KCNQ1: variants seen among roughly 807,000 people sequenced by gnomAD.
The protein encoded by KCNQ1 is potassium voltage-gated channel subfamily Q member 1.
In KCNQ1, 49 loss-of-function variants were observed where a neutral mutation model predicts 72.4. That is an observed-to-expected ratio of 0.68 (90% CI 0.54 to 0.86). KCNQ1 has a LOEUF of 0.86. Among genes scored for constraint, KCNQ1 ranks in the 40% least tolerant of loss-of-function variants. The pLI is 0.00. For missense variants in KCNQ1, 790 were observed against 945.1 expected, an observed-to-expected ratio of 0.84 and a Z score of 2.15; for synonymous variants, 450 against 412.6, an observed-to-expected ratio of 1.09 and a Z score of -1.10.
At chr11:2,693,455 A>G in intron 11 of KCNQ1, 1 of 398,648 alleles carries the variant, frequency 2.5e-6, no homozygotes, top group Non-Finnish European at 4.4e-6. Context: ...TCGAGTCCCC[A>G]TTCTCTAATG....
At position 2,748,702 on chromosome 11, in the gene KCNQ1, A is replaced by T. The variant is rs191001520; in HGVS notation, c.1515-20142A>T. 2.0e-5 allele frequency among the ~76,000 whole-genome samples: 3 copies of T among 152,086 alleles called. No individual in the cohort carries two copies. The highest frequency in any genetic ancestry group is 4.4e-5 in the Non-Finnish European group (3 of 67,970). On this transcript the variant is annotated intron_variant, in intron 11 of 15. Transcript: ENST00000155840. The surrounding 1 kb of genome is among the most constrained non-coding windows in gnomAD (Gnocchi z 6.2). ...GGATCACAGAGCTTCGGGTCCAGCC[A>T]GCTGCTGCTGCCCCTCCCTCTGGGC...
intron 15 of KCNQ1, among the ~76,000 whole-genome samples, chr11:2,795,369 C>T (rs528626255): frequency 1.1e-4 from 17 of 152,368 alleles, no homozygotes; most frequent in African/African-American, 3.8e-4. Flanking sequence ...TCTTGTGTAT[C>T]CCACTTCGTT....
intron 6 of KCNQ1, among the ~76,000 whole-genome samples, chr11:2,577,980 GGCCCTGTCCT>G (rs372402841): frequency 8.7e-4 from 133 of 152,270 alleles, no homozygotes; most frequent in African/African-American, 2.9e-3. Context: ...AGGTCAGTGG[GGCCCTGTCCT>G]GCCCTGTCCT....
At position 2,733,857 on chromosome 11, in the gene KCNQ1, C is replaced by CTCACTCTTTCTCTCT. The variant is rs147278439; in HGVS notation, c.1515-34987_1515-34986insTCACTCTTTCTCTCT. 5.4e-3 allele frequency among the ~76,000 whole-genome samples: 409 copies of CTCACTCTTTCTCTCT among 76,212 alleles called. 24 individuals are homozygous for CTCACTCTTTCTCTCT. The highest frequency in any genetic ancestry group is 7.3e-3 in the Non-Finnish European group (288 of 39,396). The allele number at this position is 76,212 out of a possible 152,430, so 50.0% of individuals were successfully genotyped here. On this transcript the variant is annotated intron_variant, in intron 11 of 15. Coordinates refer to ENST00000155840, the MANE Select transcript of KCNQ1 (RefSeq NM_000218.3). ...TCTCTCTCTCTCTCTCTCTCTCTCT[C>CTCACTCTTTCTCTCT]CCCCCCCACTTCAGGGCCTTCGCGC...
chr11:2,455,248 C>T (rs1846170727), intron 1 of KCNQ1, among the ~76,000 whole-genome samples: 1 of 152,168 alleles, frequency 6.6e-6, no homozygotes, highest in Admixed American at 6.5e-5. Flanking sequence ...CAGGCGTCTG[C>T]CACCACGCCC....
chr11:2,597,063 A>G (rs908338939), intron 10 of KCNQ1, among the ~76,000 whole-genome samples: 2 of 152,182 alleles, frequency 1.3e-5, no homozygotes. Flanking sequence ...CAGAAAAGGA[A>G]ATACCAATAA....
At position 2,627,745 on chromosome 11, in the gene KCNQ1, A is replaced by G. The variant is rs1849284855; in HGVS notation, c.1394-34216A>G. 2.5e-5 allele frequency: 10 copies of G among 398,354 alleles called. No individual in the cohort carries two copies. The East Asian group carries it at 3.2e-4, about 13-fold the overall frequency. 24.7% of individuals were successfully genotyped at this position (398,354 alleles called of 1,614,324 possible). A position where few individuals can be genotyped will look rare whatever the true frequency, so the allele number is the denominator to read the frequency against. ...TGGGAATTTGGTGATACACACACAC[A>G]CACTATTTTCTTCCTTTCTTTTTGA... On this transcript the variant is annotated intron_variant, in intron 10 of 15. Coordinates refer to ENST00000155840, the MANE Select transcript of KCNQ1 (RefSeq NM_000218.3). This position sits in a 1 kb window ranked among gnomAD's most constrained non-coding sequence, Gnocchi z 4.9.
intron 1 of KCNQ1, among the ~76,000 whole-genome samples, chr11:2,499,167 C>G (rs1846968436): frequency 1.3e-5 from 2 of 152,194 alleles, no homozygotes; most frequent in South Asian, 4.1e-4. Flanking sequence ...ATTCTGCCAT[C>G]TTGCCAGATG....
At chr11:2,558,232 C>T (rs900636560) in intron 2 of KCNQ1, among the ~76,000 whole-genome samples, 5 of 152,358 alleles carry the variant, frequency 3.3e-5, no homozygotes, top group Admixed American at 1.3e-4. Context: ...ATGCCAGTGC[C>T]CACATCGCTT....
At chr11:2,702,442 C>T (rs968256304) in intron 11 of KCNQ1, among the ~76,000 whole-genome samples, 5 of 152,108 alleles carry the variant, frequency 3.3e-5, no homozygotes, top group Non-Finnish European at 7.3e-5. Flanking sequence ...TGGTGTCCAC[C>T]CTCCTACTAA....
rs1849280280 is a variant in KCNQ1 at position 2,627,467 on chromosome 11, T to G, written c.1394-34494T>G. 2.5e-6 allele frequency: 1 copy of G among 398,436 alleles called. No individual in the cohort carries two copies. The highest frequency in any genetic ancestry group is 4.4e-5 in the Admixed American group (1 of 22,706). The allele number at this position is 398,436 out of a possible 1,614,324, so 24.7% of individuals were successfully genotyped here. Reference sequence around the variant, plus strand: ...AACATTTCCTATTTCCCCTACTCCCTGACCCCTAGTAACCACCCTTCTACT... The same window carrying G: ...AACATTTCCTATTTCCCCTACTCCCGGACCCCTAGTAACCACCCTTCTACT... On this transcript the variant is annotated intron_variant, in intron 10 of 15. Transcript: ENST00000155840. This position sits in a 1 kb window ranked among gnomAD's most constrained non-coding sequence, Gnocchi z 4.9.
intron 2 of KCNQ1, among the ~76,000 whole-genome samples, chr11:2,535,976 A>C (rs1847724868): frequency 6.6e-6 from 1 of 152,086 alleles, no homozygotes; most frequent in Admixed American, 6.5e-5. Context: ...TCAGAGCCTG[A>C]GGCCCACGGG....
intron 6 of KCNQ1, among the ~76,000 whole-genome samples, chr11:2,573,792 G>C (rs910220648): frequency 3.3e-5 from 5 of 152,222 alleles, no homozygotes; most frequent in Non-Finnish European, 5.9e-5. Context: ...CCGTGTCTGT[G>C]GGGGCTTCCT....
In KCNQ1 at chr11:2,734,175, G is replaced by A. The variant is rs923898886; in HGVS notation, c.1515-34669G>A. ...CCGCAGGTGTGTGTGAGAGGTGCAT[G>A]GTGGACGTCCAAAGAATAAACGAAT... On this transcript the variant is annotated intron_variant, in intron 11 of 15. Coordinates refer to ENST00000155840, the MANE Select transcript of KCNQ1 (RefSeq NM_000218.3). This position sits in a 1 kb window ranked among gnomAD's most constrained non-coding sequence, Gnocchi z 7.0. Among the ~76,000 whole-genome samples the A allele has an allele frequency of 6.6e-6, 1 of 152,180 alleles. No homozygotes were observed. The highest frequency in any genetic ancestry group is 2.4e-5 in the African/African-American group (1 of 41,446).
chr11:2,681,253 C>T (rs934095763), intron 11 of KCNQ1: 1 of 398,422 alleles, frequency 2.5e-6, no homozygotes, highest in African/African-American at 2.1e-5. Flanking sequence ...TTCCTGCCTC[C>T]CCAGGAGAGA....
rs560636669 is a variant in KCNQ1 at position 2,750,345 on chromosome 11, G to A, written c.1515-18499G>A. Among the ~76,000 whole-genome samples the A allele has an allele frequency of 6.6e-6, 1 of 152,186 alleles. No individual in the cohort carries two copies. The highest frequency in any genetic ancestry group is 2.4e-5 in the African/African-American group (1 of 41,440). On this transcript the variant is annotated intron_variant, in intron 11 of 15. Transcript: ENST00000155840. The surrounding 1 kb of genome is among the most constrained non-coding windows in gnomAD (Gnocchi z 6.3). ...GTGGCTGGCCTGGCCTAACCAGTTG[G>A]GGGAATCCATGGGAGGCTTTAGCCC...
rs1847154256 is a variant in KCNQ1 at position 2,509,240 on chromosome 11, A to AT, written c.387-18686dup. ...AAAATTTAAGTTTTTAATATCACATATTATTTCATGAAGAGTGGCTTCGGA... is the reference window on the plus strand; with the variant it reads ...AAAATTTAAGTTTTTAATATCACATATTTATTTCATGAAGAGTGGCTTCGGA... On this transcript the variant is annotated intron_variant, in intron 1 of 15. Coordinates refer to ENST00000155840, the MANE Select transcript of KCNQ1 (RefSeq NM_000218.3). This position sits in a 1 kb window ranked among gnomAD's most constrained non-coding sequence, Gnocchi z 6.3. 6.6e-6 allele frequency among the ~76,000 whole-genome samples: 1 copy of AT among 152,166 alleles called. No individual in the cohort carries two copies. Among genetic ancestry groups the AT allele is most frequent in the African/African-American group, 2.4e-5 (1 of 41,420 alleles).
At chr11:2,586,812 C>T (rs1449108206) in intron 8 of KCNQ1, among the ~76,000 whole-genome samples, 2 of 152,136 alleles carry the variant, frequency 1.3e-5, no homozygotes, top group African/African-American at 2.4e-5. Context: ...ATTCTCCACT[C>T]GGCCCTCTCT....
At chr11:2,472,363 T>TGC (rs898259576) in intron 1 of KCNQ1, among the ~76,000 whole-genome samples, 49 of 151,460 alleles carry the variant, frequency 3.2e-4, no homozygotes, top group Non-Finnish European at 6.5e-4. Flanking sequence ...GGTGTGTGTG[T>TGC]ACCTATGTCT....
Sources: gnomAD v4.1 joint callset for allele counts (sites outside exome capture counted in the v4.1 genomes callset) on GRCh38, gnomAD v4.1.1 for gene constraint, Gnocchi (gnomAD v3.1) non-coding constraint, MANE v1.5 for transcripts, NCBI Gene and HGNC (gene_info 2026-07-23, HGNC 2026-07-21) for gene names.